Variants in HIBCH observed in about 807,000 individuals in gnomAD.
The protein encoded by HIBCH is 3-hydroxyisobutyryl-CoA hydrolase, also known as 3-hydroxyisobutyryl-CoA hydrolase, mitochondrial.
HIBCH carries 50 observed loss-of-function variants against 58.2 expected under a neutral mutation model. The ratio of observed to expected loss-of-function variants is 0.86; its 90% CI spans 0.68 to 1.09. The LOEUF (loss-of-function observed/expected upper bound fraction) is 1.09. Ranked by LOEUF, HIBCH falls within the 50% of genes least tolerant of loss-of-function variation. The probability of loss-of-function intolerance (pLI) is 0.00; values close to 1 mark genes in which losing one functional copy is unlikely to be tolerated. For missense variants in HIBCH, 450 were observed against 449.7 expected (o/e 1.00, Z -0.01); for synonymous variants, 151 against 146.9 (o/e 1.03, Z -0.20).
At chr2:190,257,783 G>A (rs948468795) in intron 7 of HIBCH, among the ~76,000 whole-genome samples, 1 of 152,160 alleles carries the variant, frequency 6.6e-6, no homozygotes, top group African/African-American at 2.4e-5. Context: ...CAGGACAAGA[G>A]AGCAGAAGGA....
chr2:190,229,687 A>G (rs767556443), intron 11 of HIBCH, among the ~76,000 whole-genome samples: 36 of 152,236 alleles, frequency 2.4e-4, no homozygotes, highest in African/African-American at 8.7e-4. Context: ...AAACACTTGC[A>G]AGGCACAAGA....
At chr2:190,190,955 A>T (rs1365165610) in intron 1 of HIBCH, among the ~76,000 whole-genome samples, 1 of 152,056 alleles carries the variant, frequency 6.6e-6, no homozygotes, top group Non-Finnish European at 1.5e-5. Flanking sequence ...CCTCCTGTCA[A>T]CCACTAATCT....
intron 7 of HIBCH, among the ~76,000 whole-genome samples, chr2:190,256,692 A>T (rs1686935062): frequency 6.6e-6 from 1 of 152,184 alleles, no homozygotes; most frequent in African/African-American, 2.4e-5. Context: ...CATAAATGTA[A>T]GAACCAGCAG....
In HIBCH at chr2:190,209,007, C is replaced by T; in HGVS notation, c.1012-94G>A. ...CTCTATTCACTTCAGCCTTCCACTCCCATGGCCACAACCTGAACCATGACA... is the reference window on the plus strand; with the variant it reads ...CTCTATTCACTTCAGCCTTCCACTCTCATGGCCACAACCTGAACCATGACA... On this transcript the variant is annotated intron_variant, in intron 12 of 13. Coordinates refer to ENST00000359678, the MANE Select transcript of HIBCH (RefSeq NM_014362.4). This position sits in a 1 kb window ranked among gnomAD's most constrained non-coding sequence, Gnocchi z 5.6. The T allele has an allele frequency of 9.3e-7, 1 of 1,079,968 alleles. No homozygotes were observed. Among genetic ancestry groups the T allele is most frequent in the Non-Finnish European group, 1.4e-6 (1 of 718,148 alleles). The allele number at this position is 1,079,968 out of a possible 1,614,324, so 66.9% of individuals were successfully genotyped here.
intron 6 of HIBCH, among the ~76,000 whole-genome samples, chr2:190,266,685 C>T (rs1687249227): frequency 6.6e-6 from 1 of 152,058 alleles, no homozygotes; most frequent in Non-Finnish European, 1.5e-5. Context: ...GCGCCCGCCT[C>T]GGCCTCCCAG....
intron 11 of HIBCH, among the ~76,000 whole-genome samples, chr2:190,218,442 G>C (rs1199747651): frequency 6.6e-6 from 1 of 152,120 alleles, no homozygotes; most frequent in African/African-American, 2.4e-5. Flanking sequence ...ATCTCAGGAA[G>C]GGATTCCATG....
chr2:190,233,602 A>G (rs6737514), intron 11 of HIBCH, among the ~76,000 whole-genome samples: 48,510 of 152,090 alleles, frequency 0.32, 9,028 homozygotes, highest in African/African-American at 0.5. Flanking sequence ...TCTGGGGTAC[A>G]TCTTTATCAG....
At chr2:190,284,996 T>C (rs533388034) in intron 6 of HIBCH, among the ~76,000 whole-genome samples, 6 of 152,326 alleles carry the variant, frequency 3.9e-5, no homozygotes, top group South Asian at 2.1e-4. Flanking sequence ...CTTTCTTTCA[T>C]AGTCATTACC....
intron 11 of HIBCH, among the ~76,000 whole-genome samples, chr2:190,230,492 C>T (rs1285154952): frequency 6.6e-6 from 1 of 152,156 alleles, no homozygotes; most frequent in East Asian, 1.9e-4. Context: ...ATCAGGAGTT[C>T]GAAACCAGCC....
chr2:190,241,566 T>C (rs536457399), intron 11 of HIBCH, among the ~76,000 whole-genome samples: 1 of 152,366 alleles, frequency 6.6e-6, no homozygotes, highest in South Asian at 2.1e-4. Context: ...GTTGTTGGTC[T>C]TTGTATTTTG....
chr2:190,267,513 A>C (rs1687274965), intron 6 of HIBCH, among the ~76,000 whole-genome samples: 1 of 152,148 alleles, frequency 6.6e-6, no homozygotes, highest in East Asian at 1.9e-4. Context: ...AGTCATTTTT[A>C]AATGTTTGAA....
chr2:190,242,890 T>C (rs939331643), intron 11 of HIBCH, among the ~76,000 whole-genome samples: 1 of 152,182 alleles, frequency 6.6e-6, no homozygotes, highest in African/African-American at 2.4e-5. Flanking sequence ...CTTTATGTAA[T>C]GGTATTTGGG....
At chr2:190,191,697 T>C (rs1252496510) in intron 1 of HIBCH, among the ~76,000 whole-genome samples, 1 of 152,244 alleles carries the variant, frequency 6.6e-6, no homozygotes, top group Non-Finnish European at 1.5e-5. Context: ...GGCTGTAATT[T>C]GCATTTCCCT....
chr2:190,202,881 A>C (rs972444911), downstream of HIBCH: 1 of 167,102 alleles, frequency 6.0e-6, no homozygotes, highest in African/African-American at 2.4e-5. Flanking sequence ...GTTGTCGCTT[A>C]TGTACTGTTG....
intron 6 of HIBCH, among the ~76,000 whole-genome samples, chr2:190,262,647 C>G (rs551141590): frequency 3.9e-5 from 6 of 152,318 alleles, no homozygotes; most frequent in African/African-American, 1.4e-4. Flanking sequence ...ACCAAATTCT[C>G]TACAGAGGGC....
Position 190,296,828 on chromosome 2 carries a change from A to G in HIBCH, c.204T>C (p.Ile68=), listed in dbSNP as rs1396815849. Residue 68 remains isoleucine, a synonymous_variant, in exon 3 of 14, where the codon ATT becomes ATC. Coordinates refer to ENST00000359678, the MANE Select transcript of HIBCH (RefSeq NM_014362.4). Reference sequence around the variant, plus strand: ...AATTACAAACCTTTAGCTGTGGATAAATCTGCCGAATCATATTAAGAGTCA... The same window carrying G: ...AATTACAAACCTTTAGCTGTGGATAGATCTGCCGAATCATATTAAGAGTCA... ...NALTLNMIRQ[I]YPQLKKWEQD... 6.2e-7 allele frequency: 1 copy of G among 1,613,998 alleles called. No individual in the cohort carries two copies. The highest frequency in any genetic ancestry group is 1.1e-5 in the South Asian group (1 of 91,074).
intron 6 of HIBCH, among the ~76,000 whole-genome samples, chr2:190,262,070 G>A (rs1687102643): frequency 6.6e-6 from 1 of 151,060 alleles, no homozygotes; most frequent in East Asian, 1.9e-4. Flanking sequence ...GTTGTCAGTC[G>A]ATGACAGGCA....
intron 1 of HIBCH, among the ~76,000 whole-genome samples, chr2:190,318,724 A>C (rs1268492399): frequency 6.6e-6 from 1 of 152,210 alleles, no homozygotes; most frequent in East Asian, 1.9e-4. Context: ...AACACTGAAA[A>C]AGCGGCAGTA....
intron 6 of HIBCH, among the ~76,000 whole-genome samples, chr2:190,262,303 C>T (rs904033025): frequency 6.6e-6 from 1 of 152,134 alleles, no homozygotes; most frequent in African/African-American, 2.4e-5. Context: ...GCCTCAAGCC[C>T]ACACCTGCAG....
Sources: gnomAD v4.1 joint callset for allele counts (sites outside exome capture counted in the v4.1 genomes callset) on GRCh38, gnomAD v4.1.1 for gene constraint, Gnocchi (gnomAD v3.1) non-coding constraint, MANE v1.5 for transcripts, NCBI Gene and HGNC (gene_info 2026-07-23, HGNC 2026-07-21) for gene names.